The following SUPT3H variants were observed in gnomAD, a reference collection of about 807,000 sequenced individuals.
The protein encoded by SUPT3H is SPT3 homolog, SAGA and STAGA complex component, also known as transcription initiation protein SPT3 homolog.
A neutral mutation model predicts 44.3 loss-of-function variants in SUPT3H; 44 were observed. The observed-to-expected ratio is 0.99, with a 90% CI of 0.78 to 1.28. SUPT3H has a LOEUF of 1.28. Ranked by LOEUF, SUPT3H falls within the 50% of genes most tolerant of loss-of-function variation. SUPT3H has a pLI of 0.00. For missense variants in SUPT3H, 380 were observed against 387.1 expected, an observed-to-expected ratio of 0.98 and a Z score of 0.15; for synonymous variants, 124 against 125.6, an observed-to-expected ratio of 0.99 and a Z score of 0.09.
At chr6:45,200,621 A>C (rs1412244418) in intron 2 of SUPT3H, among the ~76,000 whole-genome samples, 2 of 151,462 alleles carry the variant, frequency 1.3e-5, no homozygotes, top group Non-Finnish European at 3.0e-5. Flanking sequence ...AACACCTTTC[A>C]CTTTAGAGAC....
At chr6:45,273,784 AT>A (rs1336404021) in intron 2 of SUPT3H, among the ~76,000 whole-genome samples, 1 of 152,146 alleles carries the variant, frequency 6.6e-6, no homozygotes, top group Non-Finnish European at 1.5e-5. Flanking sequence ...TCATGTACAA[AT>A]TTTGTGTGGA....
chr6:45,123,606 T>TTA (rs773020497), intron 2 of SUPT3H, among the ~76,000 whole-genome samples: 26 of 151,962 alleles, frequency 1.7e-4, no homozygotes, highest in South Asian at 1.0e-3. Flanking sequence ...AAAACAAAGA[T>TTA]TATATATATA....
At chr6:45,182,509 G>T (rs559615075) in intron 2 of SUPT3H, among the ~76,000 whole-genome samples, 1 of 152,148 alleles carries the variant, frequency 6.6e-6, no homozygotes, top group East Asian at 1.9e-4. Flanking sequence ...TGATCTGCCC[G>T]CCTCAGCCTC....
At chr6:44,976,411 G>T (rs1778349462) in intron 6 of SUPT3H, among the ~76,000 whole-genome samples, 1 of 151,836 alleles carries the variant, frequency 6.6e-6, no homozygotes, top group African/African-American at 2.4e-5. Flanking sequence ...GCCCAGGCTG[G>T]AGTGCAGTGG....
chr6:45,072,133 C>T (rs1481667128), intron 3 of SUPT3H, among the ~76,000 whole-genome samples: 2 of 152,138 alleles, frequency 1.3e-5, no homozygotes, highest in African/African-American at 2.4e-5. Context: ...ACTTTACAAT[C>T]AAAAGGCTCA....
intron 9 of SUPT3H, among the ~76,000 whole-genome samples, chr6:44,949,336 A>G (rs112811600): frequency 6.6e-6 from 1 of 152,088 alleles, no homozygotes; most frequent in Non-Finnish European, 1.5e-5. Context: ...ACATGTATAC[A>G]TATGTAACAA....
intron 2 of SUPT3H, among the ~76,000 whole-genome samples, chr6:45,132,300 C>T (rs1232784290): frequency 6.6e-6 from 1 of 152,166 alleles, no homozygotes; most frequent in East Asian, 1.9e-4. Flanking sequence ...GTAAACTTCC[C>T]ATCAACCCTG....
intron 2 of SUPT3H, among the ~76,000 whole-genome samples, chr6:45,243,653 A>T (rs1463014371): frequency 6.6e-6 from 1 of 152,208 alleles, no homozygotes; most frequent in Non-Finnish European, 1.5e-5. Flanking sequence ...CTGAGATGAG[A>T]TGGACAAACT....
intron 3 of SUPT3H, among the ~76,000 whole-genome samples, chr6:45,100,433 T>G (rs1798387616): frequency 6.8e-6 from 1 of 147,286 alleles, no homozygotes; most frequent in Admixed American, 6.9e-5. Flanking sequence ...CACAGTTGGG[T>G]GCAGTGACAC....
intron 9 of SUPT3H, among the ~76,000 whole-genome samples, chr6:44,949,445 A>G (rs1773924110): frequency 6.6e-6 from 1 of 152,022 alleles, no homozygotes; most frequent in African/African-American, 2.4e-5. Context: ...AAAAAAAAGA[A>G]AAAAAAGAAA....
chr6:45,283,058 C>T (rs1049165889), intron 2 of SUPT3H, among the ~76,000 whole-genome samples: 7 of 152,230 alleles, frequency 4.6e-5, no homozygotes, highest in African/African-American at 1.7e-4. Flanking sequence ...CACCACCAGG[C>T]CTGCCCTAAA....
intron 2 of SUPT3H, among the ~76,000 whole-genome samples, chr6:45,219,213 C>T (rs1207185164): frequency 1.3e-5 from 2 of 151,816 alleles, no homozygotes; most frequent in Admixed American, 1.3e-4. Context: ...GCAAATAAAC[C>T]TAAGCAGGTA....
intron 10 of SUPT3H, among the ~76,000 whole-genome samples, chr6:44,914,778 A>G (rs1357872909): frequency 6.6e-6 from 1 of 152,206 alleles, no homozygotes; most frequent in Non-Finnish European, 1.5e-5. Context: ...ACAAATAAAC[A>G]AAAGTATTGT....
chr6:44,974,244 T>C (rs769276733), intron 6 of SUPT3H, among the ~76,000 whole-genome samples: 1 of 151,974 alleles, frequency 6.6e-6, no homozygotes, highest in Non-Finnish European at 1.5e-5. Flanking sequence ...CATATATACA[T>C]GTTTGTATAT....
intron 2 of SUPT3H, among the ~76,000 whole-genome samples, chr6:45,316,730 T>C (rs980143841): frequency 6.6e-6 from 1 of 152,170 alleles, no homozygotes; most frequent in Non-Finnish European, 1.5e-5. Context: ...GCCTGTACAC[T>C]ATACTGTGAA....
In SUPT3H at chr6:45,181,507, A is replaced by G. The variant is rs1562631738; in HGVS notation, c.102-75501T>C. Among the ~76,000 whole-genome samples the G allele has an allele frequency of 1.2e-4, 18 of 151,958 alleles. No homozygotes were observed. In the South Asian group the frequency reaches 3.7e-3, roughly 32 times the overall value. On this transcript the variant is annotated intron_variant, in intron 2 of 10. Transcript: ENST00000371459. ...ATAGACTGGATTAAGAAAATGTGGC[A>G]CATATACACCATGGAATACTATGCA...
At chr6:45,077,806 T>A (rs1014913962) in intron 3 of SUPT3H, among the ~76,000 whole-genome samples, 1 of 152,010 alleles carries the variant, frequency 6.6e-6, no homozygotes, top group African/African-American at 2.4e-5. Context: ...ACACCTCAAC[T>A]TTTTGTTTTG....
intron 10 of SUPT3H, among the ~76,000 whole-genome samples, chr6:44,906,178 C>G (rs750580867): frequency 1.3e-5 from 2 of 151,988 alleles, no homozygotes; most frequent in Non-Finnish European, 2.9e-5. Flanking sequence ...TATAATAAAA[C>G]TATTTTAGTT....
intron 9 of SUPT3H, among the ~76,000 whole-genome samples, chr6:44,950,821 T>C (rs978502730): frequency 2.1e-5 from 3 of 140,784 alleles, no homozygotes; most frequent in African/African-American, 8.3e-5. Context: ...TCCTCTTGTT[T>C]TATTTTTTAT....
Sources: gnomAD v4.1 joint callset for allele counts (sites outside exome capture counted in the v4.1 genomes callset) on GRCh38, gnomAD v4.1.1 for gene constraint, MANE v1.5 for transcripts, NCBI Gene and HGNC (gene_info 2026-07-23, HGNC 2026-07-21) for gene names.